CSMD1: variants seen among roughly 807,000 people sequenced by gnomAD.
The protein encoded by CSMD1 is CUB and sushi domain-containing protein 1.
Under a neutral mutation model 417.5 loss-of-function variants are expected in CSMD1, and 213 were observed. The observed-to-expected ratio is 0.51, with a 90% confidence interval of 0.46 to 0.57. CSMD1 has a LOEUF of 0.57. Among genes scored for constraint, CSMD1 ranks in the 20% least tolerant of loss-of-function variants. The pLI is 0.00. For missense variants in CSMD1, 6,923 were observed against 4,529.7 expected (o/e 1.53, Z -15.17); for synonymous variants, 2,862 against 1,736.8 (o/e 1.65, Z -16.11).
chr8:4,184,846 C>A (rs761218634), intron 3 of CSMD1, among the ~76,000 whole-genome samples: 1 of 152,062 alleles, frequency 6.6e-6, no homozygotes. Context: ...TTAAAATACC[C>A]CAACACTTTC....
chr8:4,764,877 A>AAAAAAAAAAAAAAAAAAAAAAAAC, intron 1 of CSMD1, among the ~76,000 whole-genome samples: 1 of 41,990 alleles, frequency 2.4e-5, no homozygotes. Flanking sequence ...CATCTCAAAA[A>AAAAAAAAAAAAAAAAAAAAAAAAC]AAAAAAAAAA....
intron 41 of CSMD1, 133 bp downstream of exon 41, chr8:3,142,332 A>G (rs1159979262): frequency 4.9e-6 from 4 of 808,526 alleles, no homozygotes; most frequent in Non-Finnish European, 7.9e-6. Context: ...ACTAACCAGA[A>G]ACCAACATTC....
chr8:3,724,184 C>A (rs538468062), intron 6 of CSMD1, among the ~76,000 whole-genome samples: 1 of 91,602 alleles, frequency 1.1e-5, no homozygotes, highest in East Asian at 3.5e-4. Context: ...ACAATGCTAC[C>A]TCTTTTACTA....
intron 2 of CSMD1, among the ~76,000 whole-genome samples, chr8:4,467,930 CATTCCTG>C (rs1800282315): frequency 6.6e-6 from 1 of 152,102 alleles, no homozygotes; most frequent in African/African-American, 2.4e-5. Context: ...GTTGGAATTC[CATTCCTG>C]AACTAACAAA....
chr8:3,233,085 C>G (rs1269670181), intron 26 of CSMD1, among the ~76,000 whole-genome samples: 1 of 115,890 alleles, frequency 8.6e-6, no homozygotes, highest in South Asian at 3.1e-4. Context: ...ATTATGTTTT[C>G]TTTTCATTTT....
At chr8:3,575,262 G>T (rs928073013) in intron 9 of CSMD1, among the ~76,000 whole-genome samples, 196 bp from the exon 10 acceptor site, 4 of 151,564 alleles carry the variant, frequency 2.6e-5, no homozygotes, top group African/African-American at 4.8e-5. Flanking sequence ...CTTTTGCTTG[G>T]TATCTGCAGT....
chr8:4,607,665 C>T (rs559216218), intron 2 of CSMD1, among the ~76,000 whole-genome samples: 2 of 151,926 alleles, frequency 1.3e-5, no homozygotes, highest in Non-Finnish European at 1.5e-5. Context: ...ACTACACTTC[C>T]AAAAAATTTC....
chr8:4,421,105 C>A (rs1184826174), intron 2 of CSMD1, among the ~76,000 whole-genome samples: 1 of 152,040 alleles, frequency 6.6e-6, no homozygotes, highest in Admixed American at 6.6e-5. Context: ...TCAGACAGTG[C>A]ATTCACATGA....
intron 3 of CSMD1, among the ~76,000 whole-genome samples, chr8:4,055,571 T>C (rs182582989): frequency 4.6e-5 from 7 of 151,556 alleles, no homozygotes. Context: ...AGAAGAAGAG[T>C]CAAAATCAGC....
At chr8:3,617,591 A>G (rs763700468) in intron 7 of CSMD1, among the ~76,000 whole-genome samples, 19 of 152,338 alleles carry the variant, frequency 1.2e-4, no homozygotes, top group Admixed American at 2.0e-4. Flanking sequence ...AATAAAGTGC[A>G]TATCTATTTT....
At chr8:3,141,035 A>G (rs1402089059) in intron 41 of CSMD1, among the ~76,000 whole-genome samples, 1 of 152,208 alleles carries the variant, frequency 6.6e-6, no homozygotes, top group Admixed American at 6.5e-5. Flanking sequence ...TTACTGCCAT[A>G]TGGATCAACT....
At chr8:4,402,590 T>G (rs909210658) in intron 3 of CSMD1, among the ~76,000 whole-genome samples, 2 of 152,146 alleles carry the variant, frequency 1.3e-5, no homozygotes, top group African/African-American at 4.8e-5. Context: ...TAGAAGATGC[T>G]TTGAATATTA....
intron 25 of CSMD1, 22 bp downstream of exon 25, chr8:3,307,673 G>A (rs1804984281): frequency 3.7e-6 from 6 of 1,609,642 alleles, no homozygotes; most frequent in Non-Finnish European, 5.1e-6. Context: ...TCAAATCACT[G>A]AAACCAAAAT....
At chr8:3,317,469 C>T (rs780649206) in intron 23 of CSMD1, among the ~76,000 whole-genome samples, 1 of 152,102 alleles carries the variant, frequency 6.6e-6, no homozygotes, top group Non-Finnish European at 1.5e-5. Context: ...GTTCTGGTGC[C>T]TGTTTTCTAT....
intron 26 of CSMD1, among the ~76,000 whole-genome samples, chr8:3,238,544 A>T (rs1176983637): frequency 6.6e-6 from 1 of 152,112 alleles, no homozygotes; most frequent in East Asian, 1.9e-4. Context: ...TACGGGCAGC[A>T]TGGGAACTTA....
chr8:4,013,886 A>G (rs144831755), intron 4 of CSMD1, among the ~76,000 whole-genome samples: 1 of 152,326 alleles, frequency 6.6e-6, no homozygotes, highest in East Asian at 1.9e-4. Flanking sequence ...ATATGACATG[A>G]AAACAAAATA....
intron 10 of CSMD1, among the ~76,000 whole-genome samples, chr8:3,501,579 A>G (rs1345065949): frequency 1.3e-5 from 2 of 152,226 alleles, no homozygotes; most frequent in African/African-American, 4.8e-5. Context: ...GTTAGAAATG[A>G]CAACTCAGAA....
intron 7 of CSMD1, among the ~76,000 whole-genome samples, chr8:3,656,212 G>T (rs906835469): frequency 2.6e-5 from 4 of 152,144 alleles, no homozygotes; most frequent in Non-Finnish European, 5.9e-5. Flanking sequence ...AGAAGCCGCT[G>T]TTAGACATAA....
At chr8:4,273,748 C>G (rs1314774596) in intron 3 of CSMD1, among the ~76,000 whole-genome samples, 1 of 152,170 alleles carries the variant, frequency 6.6e-6, no homozygotes, top group African/African-American at 2.4e-5. Context: ...AAAACACTGA[C>G]AGCTCAGCAA....
Sources: allele counts gnomAD v4.1 joint callset (sites outside exome capture counted in the v4.1 genomes callset), GRCh38; gene constraint gnomAD v4.1.1; transcripts MANE v1.5; gene names NCBI Gene and HGNC (gene_info 2026-07-23, HGNC 2026-07-21).